The following ZIC3 variants were observed in gnomAD, a reference collection of about 807,000 sequenced individuals.
ZIC3 encodes zinc finger protein ZIC 3.
A neutral mutation model predicts 18.3 loss-of-function variants in ZIC3; 6 were observed. That is an observed-to-expected ratio of 0.33 (90% CI 0.18 to 0.65). The LOEUF (loss-of-function observed/expected upper bound fraction) is 0.65, where lower values mean the gene tolerates loss of function less well. ZIC3 is among the 30% of genes least tolerant of loss of function. The pLI, the probability that ZIC3 is intolerant of heterozygous loss-of-function variation, is 0.75. For missense variants in ZIC3, 260 were observed against 410.0 expected (o/e 0.63, Z 3.16); for synonymous variants, 175 against 177.0 (o/e 0.99, Z 0.09).
At chrX:137,574,475 G>A (rs1052016927), downstream of ZIC3, among the ~76,000 whole-genome samples, 4 of 113,410 alleles carry the variant, frequency 3.5e-5, no homozygotes, top group African/African-American at 9.6e-5. Flanking sequence ...GGAAAGAGGA[G>A]GCTCCGGCCG....
downstream of ZIC3, chrX:137,573,990 G>C (rs939975859): frequency 8.8e-6 from 1 of 113,301 alleles, no homozygotes; most frequent in Non-Finnish European, 1.9e-5. Flanking sequence ...GCCGTAAGCC[G>C]GCGGTCGCCC....
rs1931349170 is a variant in ZIC3, at chrX:137,566,782, G to C, written c.91G>C (p.Glu31Gln). ...APRHHEMPNR[E>Q]PAGMGLNPFG... ...GCGCCACCACGAGATGCCCAACCGT[G>C]AGCCGGCAGGCATGGGGCTGAATCC... Residue 31 changes from glutamate to glutamine, a missense_variant, in exon 1 of 3, where the codon GAG (glutamate) becomes CAG (glutamine). This residue lies in a region of ZIC3 where 183 missense variants were observed against 223.8 expected (regional missense o/e 0.82). Transcript: ENST00000287538. 3.4e-6 allele frequency: 4 copies of C among 1,182,961 alleles called. No homozygotes were observed. The African/African-American group carries it at 6.9e-5, about 21-fold the overall frequency.
Position 137,566,532 on chromosome X carries a change from C to G in ZIC3, c.-160C>G. ...CCTATCCCTCTGCAGGAGACTCTTG[C>G]AGTGACGGAAAGTTGCAGCCCCTGG... On this transcript the variant is annotated 5_prime_UTR_variant, in exon 1 of 3. Coordinates refer to ENST00000287538, the MANE Select transcript of ZIC3 (RefSeq NM_003413.4). 1 of 783,118 alleles carries G rather than the reference C, an allele frequency of 1.3e-6. No individual in the cohort carries two copies. Among genetic ancestry groups the G allele is most frequent in the Non-Finnish European group, 1.7e-6 (1 of 586,263 alleles). The allele number at this position is 783,118 out of a possible 1,213,427, so 64.5% of individuals were successfully genotyped here. A position where few individuals can be genotyped will look rare whatever the true frequency, so the allele number is the denominator to read the frequency against.
At chrX:137,567,814 A>C (rs1296471234) in intron 1 of ZIC3, 63 bp downstream of exon 1, 1 of 1,209,416 alleles carries the variant, frequency 8.3e-7, no homozygotes, top group Admixed American at 2.2e-5. Context: ...CAGCGGACTT[A>C]GAGCGCGAGG....
downstream of ZIC3, among the ~76,000 whole-genome samples, chrX:137,574,752 C>G (rs1931492458): frequency 8.9e-6 from 1 of 112,703 alleles, no homozygotes; most frequent in Admixed American, 9.2e-5. Context: ...GGGCGGCTCT[C>G]GAGTCGTGAA....
chrX:137,566,729 G>A lies in ZIC3; in HGVS notation c.38G>A (p.Gly13Glu). ...CTGGACGGAGGCCCGCAGTTCCCTG[G>A]GCTGGGAGTGGGCAGCTTCGGCGCG... is the stretch of plus-strand genomic sequence containing the variant. ...MLLDGGPQFP[G>E]LGVGSFGAPR... The change falls in exon 1 of 3, where the codon GGG becomes GAG. Residue 13 changes from glycine to glutamate, a missense_variant. This residue lies in a region of ZIC3 where 183 missense variants were observed against 223.8 expected (regional missense o/e 0.82). Coordinates refer to ENST00000287538, the MANE Select transcript of ZIC3 (RefSeq NM_003413.4). 6 of 1,195,601 alleles carry A rather than the reference G, an allele frequency of 5.0e-6. No individual in the cohort carries two copies. The highest frequency in any genetic ancestry group is 6.8e-6 in the Non-Finnish European group (6 of 888,282).
downstream of ZIC3, among the ~76,000 whole-genome samples, chrX:137,574,710 G>A (rs1200566290): frequency 8.9e-6 from 1 of 112,851 alleles, no homozygotes; most frequent in Admixed American, 9.2e-5. Flanking sequence ...AGGGAGGGGA[G>A]GGGAGGTATG....
rs746705684 is a variant in ZIC3, at chrX:137,566,671, T to C, written c.-21T>C. The C allele has an allele frequency of 7.4e-5, 88 of 1,197,255 alleles. No homozygotes were observed. Among genetic ancestry groups the C allele is most frequent in the Non-Finnish European group, 9.2e-5 (82 of 890,308 alleles). The stretch of plus-strand genomic sequence containing the variant: ...CCTCTCTCACTTCGGCCGGATCGCC[T>C]GTGCCCAGAACGTCCCACCCATGAC... On this transcript the variant is annotated 5_prime_UTR_variant, in exon 1 of 3. Transcript: ENST00000287538.
downstream of ZIC3, among the ~76,000 whole-genome samples, chrX:137,575,189 A>G (rs1295319861): frequency 8.9e-6 from 1 of 112,293 alleles, no homozygotes; most frequent in African/African-American, 3.2e-5. Flanking sequence ...GGCGAAGCCT[A>G]TGAACACGTA....
intron 1 of ZIC3, chrX:137,568,669 G>C (rs1323672191): frequency 6.3e-6 from 2 of 316,085 alleles, no homozygotes; most frequent in Non-Finnish European, 1.1e-5. Flanking sequence ...GACATGGTCA[G>C]GTTTTGGGCC....
At chrX:137,576,118 C>A (rs770232667), downstream of ZIC3, among the ~76,000 whole-genome samples, 9 of 106,574 alleles carry the variant, frequency 8.4e-5, no homozygotes, top group East Asian at 2.7e-3. Flanking sequence ...CCATTCCCCA[C>A]CCCCTCGCTG....
At chrX:137,574,959 T>C (rs1194022345), downstream of ZIC3, among the ~76,000 whole-genome samples, 1 of 112,079 alleles carries the variant, frequency 8.9e-6, no homozygotes, top group East Asian at 2.8e-4. Context: ...TCCTGGGAAG[T>C]TGGCGTGTGC....
chrX:137,573,536 GTC>G (rs1931468899), downstream of ZIC3, among the ~76,000 whole-genome samples: 1 of 112,276 alleles, frequency 8.9e-6, no homozygotes, highest in African/African-American at 3.2e-5. Context: ...CCCGCCTGAT[GTC>G]TCTGCCTCTT....
rs1227401509 is a variant in ZIC3, at chrX:137,566,561, C to T, written c.-131C>T. On this transcript the variant is annotated 5_prime_UTR_variant, in exon 1 of 3. Transcript: ENST00000287538. ...GACGGAAAGTTGCAGCCCCTGGTAGCGCCTTGGGGGTCTCCCCGCAGTGTC... is the reference window on the plus strand; with the variant it reads ...GACGGAAAGTTGCAGCCCCTGGTAGTGCCTTGGGGGTCTCCCCGCAGTGTC... 3 of 1,087,797 alleles carry T rather than the reference C, an allele frequency of 2.8e-6. No homozygotes were observed. Among genetic ancestry groups the T allele is most frequent in the Non-Finnish European group, 3.6e-6 (3 of 822,655 alleles). 89.6% of individuals were successfully genotyped at this position (1,087,797 alleles called of 1,213,427 possible). A position where few individuals can be genotyped will look rare whatever the true frequency, so the allele number is the denominator to read the frequency against.
downstream of ZIC3, among the ~76,000 whole-genome samples, chrX:137,576,746 C>A (rs897813091): frequency 8.9e-6 from 1 of 112,245 alleles, no homozygotes; most frequent in Non-Finnish European, 1.9e-5. Context: ...TGAAGAAAAT[C>A]TCTTTCATTA....
chrX:137,573,004 A>G (rs1191952754), downstream of ZIC3, among the ~76,000 whole-genome samples: 3 of 109,802 alleles, frequency 2.7e-5, no homozygotes, highest in Non-Finnish European at 5.7e-5. Flanking sequence ...CACCCTTGTC[A>G]TCTGTGGTAA....
chrX:137,567,800 C>T (rs756455548), intron 1 of ZIC3, 49 bp downstream of exon 1: 56 of 1,210,346 alleles, frequency 4.6e-5, no homozygotes, highest in Non-Finnish European at 5.9e-5. Context: ...GATACCCCGT[C>T]ACGCAGCGGA....
chrX:137,577,315 T>C, exon 3 of ZIC3: 1 of 450,145 alleles, frequency 2.2e-6, no homozygotes, highest in Non-Finnish European at 4.0e-6. Context: ...GTCTGTTACC[T>C]TGAAGTGATC....
In ZIC3 at chrX:137,570,518, T is replaced by C; in HGVS notation, c.*448T>C. The C allele has an allele frequency of 6.7e-6, 1 of 148,783 alleles. No homozygotes were observed. The highest frequency in any genetic ancestry group is 1.8e-4 in the South Asian group (1 of 5,642). 12.3% of individuals were successfully genotyped at this position (148,783 alleles called of 1,213,427 possible). A position where few individuals can be genotyped will look rare whatever the true frequency, so the allele number is the denominator to read the frequency against. On this transcript the variant is annotated 3_prime_UTR_variant, in exon 3 of 3. Coordinates refer to ENST00000287538, the MANE Select transcript of ZIC3 (RefSeq NM_003413.4). ...GCCAAAGTCCTGTTATGTCTTGAAC[T>C]TTTCCTCAAAGCATTACACTTGTGA... is the stretch of plus-strand genomic sequence containing the variant.
Sources: allele counts gnomAD v4.1 joint callset (sites outside exome capture counted in the v4.1 genomes callset), GRCh38; gene constraint gnomAD v4.1.1; regional missense constraint gnomAD v4.1.1; transcripts MANE v1.5; gene names NCBI Gene and HGNC (gene_info 2026-07-23, HGNC 2026-07-21).